The following NRG1 variants were observed in gnomAD, a reference collection of about 807,000 sequenced individuals.
The protein encoded by NRG1 is neuregulin 1.
NRG1 carries 18 observed loss-of-function variants against 63.8 expected under a neutral mutation model. The observed-to-expected ratio is 0.28, with a 90% CI of 0.19 to 0.42. NRG1 has a LOEUF of 0.42. Among genes scored for constraint, NRG1 ranks in the 10% least tolerant of loss-of-function variants. NRG1 has a pLI of 1.00. For missense variants in NRG1, 762 were observed against 814.7 expected (o/e 0.94, Z 0.79); for synonymous variants, 302 against 301.3 (o/e 1.00, Z -0.02).
At chr8:32,662,195 T>C (rs562723963) in intron 5 of NRG1, among the ~76,000 whole-genome samples, 9 of 152,302 alleles carry the variant, frequency 5.9e-5, no homozygotes, top group African/African-American at 2.2e-4. Context: ...ATAAACAGAA[T>C]GGTCAGGAAA....
chr8:31,906,748 G>C (rs1832550159), intron 1 of NRG1, among the ~76,000 whole-genome samples: 1 of 152,004 alleles, frequency 6.6e-6, no homozygotes, highest in Admixed American at 6.6e-5. Flanking sequence ...AGAATATTCT[G>C]TTCTCTGTGG....
intron 1 of NRG1, among the ~76,000 whole-genome samples, chr8:31,719,843 T>A (rs74630390): frequency 2.1e-5 from 2 of 94,648 alleles, no homozygotes; most frequent in African/African-American, 7.0e-5. Flanking sequence ...GGATTATGAT[T>A]TTTTTTTTTA....
Position 31,814,062 on chromosome 8 carries a change from C to T in NRG1, c.37+174631C>T, listed in dbSNP as rs371963465. 1.6e-4 allele frequency among the ~76,000 whole-genome samples: 24 copies of T among 152,128 alleles called. 1 individual carries two copies. The East Asian group carries it at 3.1e-3, about 20-fold the overall frequency. ...GTTTTCAGCACCTGATCTTTATTGC[C>T]TCACAGAGTTTTATACAGATACAAA... On this transcript the variant is annotated intron_variant, in intron 1 of 10. Transcript: ENST00000519301.
chr8:32,622,167 G>A (rs1563788195), intron 5 of NRG1, among the ~76,000 whole-genome samples: 1 of 152,136 alleles, frequency 6.6e-6, no homozygotes, highest in Non-Finnish European at 1.5e-5. Context: ...ACTTTGGGAG[G>A]CCATAGTGGG....
At position 32,327,763 on chromosome 8, in the gene NRG1, T is replaced by A. The variant is rs1802181143; in HGVS notation, c.38-268065T>A. ...GGAGACCTTTATAACAATTAAAACA[T>A]AGGAATGGGGCAGGAAGCCTTATTA... On this transcript the variant is annotated intron_variant, in intron 1 of 10. Transcript: ENST00000519301. Among the ~76,000 whole-genome samples the A allele has an allele frequency of 2.0e-5, 3 of 152,172 alleles. No homozygotes were observed. In the South Asian group the frequency reaches 6.2e-4, roughly 32 times the overall value.
chr8:32,199,535 T>A (rs1360001111), intron 1 of NRG1, among the ~76,000 whole-genome samples: 1 of 152,196 alleles, frequency 6.6e-6, no homozygotes, highest in East Asian at 1.9e-4. Flanking sequence ...AACTCTTAGA[T>A]CTTACTTGTC....
chr8:32,104,258 T>C lies in NRG1; in HGVS notation c.37+464827T>C, dbSNP rs559904051. Among the ~76,000 whole-genome samples, 43 of 152,320 alleles carry C rather than the reference T, an allele frequency of 2.8e-4. 1 individual carries two copies. Among genetic ancestry groups the C allele is most frequent in the Non-Finnish European group, 5.3e-4 (36 of 68,030 alleles). ...GTAGGCAATTGTTAATACAGTGGTA[T>C]TTGTTTATCTAAACTATCAAAACCT... On this transcript the variant is annotated intron_variant, in intron 1 of 10. Transcript: ENST00000519301.
intron 1 of NRG1, among the ~76,000 whole-genome samples, chr8:31,849,173 C>T (rs892567139): frequency 1.3e-5 from 2 of 152,134 alleles, no homozygotes; most frequent in African/African-American, 4.8e-5. Flanking sequence ...TGCATTATAT[C>T]ATTCATCCAA....
At chr8:32,388,392 T>C (rs1037924919) in intron 1 of NRG1, among the ~76,000 whole-genome samples, 1 of 152,234 alleles carries the variant, frequency 6.6e-6, no homozygotes, top group African/African-American at 2.4e-5. Flanking sequence ...CGTAGGGGTT[T>C]TCCCACATCT....
chr8:32,360,679 T>A (rs1807089945), intron 1 of NRG1, among the ~76,000 whole-genome samples: 1 of 152,186 alleles, frequency 6.6e-6, no homozygotes. Flanking sequence ...GAATTGTGTT[T>A]AACTCATGCC....
chr8:31,821,961 A>G (rs1180121091), intron 1 of NRG1, among the ~76,000 whole-genome samples: 1 of 152,180 alleles, frequency 6.6e-6, no homozygotes, highest in Non-Finnish European at 1.5e-5. Context: ...ATTACTGTAA[A>G]CTACTTTTTC....
intron 1 of NRG1, among the ~76,000 whole-genome samples, chr8:32,060,909 T>G (rs929134399): frequency 6.6e-6 from 1 of 151,854 alleles, no homozygotes; most frequent in African/African-American, 2.4e-5. Flanking sequence ...TCAAAAAGTG[T>G]GCTAAGATTA....
At chr8:32,548,373 G>C in exon 1 of NRG1, 2 of 1,033,122 alleles carry the variant, frequency 1.9e-6, no homozygotes, top group Non-Finnish European at 2.3e-6. Flanking sequence ...GCTGCCGGAC[G>C]ATGGGAGCGT....
rs1028793942 is a variant in NRG1, at chr8:32,709,267, A to G, written c.503-18682A>G. ...TTATATGTAATTGTAGGTAAAAACT[A>G]TATAATATTTTTGCCATGTGCCTCA... is the stretch of plus-strand genomic sequence containing the variant. On this transcript the variant is annotated intron_variant, in intron 5 of 11. Coordinates refer to ENST00000356819, the Ensembl canonical transcript of NRG1. Among the ~76,000 whole-genome samples, 7 of 152,196 alleles carry G rather than the reference A, an allele frequency of 4.6e-5. No individual in the cohort carries two copies. The East Asian group carries it at 1.2e-3, about 25-fold the overall frequency.
At chr8:31,938,515 A>C (rs1427172770) in intron 1 of NRG1, among the ~76,000 whole-genome samples, 3 of 152,250 alleles carry the variant, frequency 2.0e-5, no homozygotes, top group African/African-American at 7.2e-5. Context: ...AACACCCCCC[A>C]AAAATCATAC....
intron 1 of NRG1, among the ~76,000 whole-genome samples, chr8:32,325,299 G>A (rs963775975): frequency 8.5e-5 from 13 of 152,128 alleles, no homozygotes; most frequent in Admixed American, 5.9e-4. Context: ...AGCTGTTACG[G>A]GGTGGGGCAC....
At chr8:31,944,733 T>G (rs1210103940) in intron 1 of NRG1, among the ~76,000 whole-genome samples, 1 of 152,214 alleles carries the variant, frequency 6.6e-6, no homozygotes, top group African/African-American at 2.4e-5. Context: ...ACTGAGTGAT[T>G]AATGAACTGA....
chr8:31,639,636 G>T, intron 1 of NRG1: 1 of 1,413,058 alleles, frequency 7.1e-7, no homozygotes, highest in South Asian at 1.5e-5. Flanking sequence ...CTCCTCCGGT[G>T]ACAGCAGCCC....
In NRG1 at chr8:32,157,515, C is replaced by T. The variant is rs138517863; in HGVS notation, c.38-438313C>T. Among the ~76,000 whole-genome samples, 1,400 of 151,142 alleles carry T rather than the reference C, an allele frequency of 9.3e-3. 18 individuals are homozygous for T. The highest frequency in any genetic ancestry group is 0.033 in the African/African-American group (1,339 of 41,198). On this transcript the variant is annotated intron_variant, in intron 1 of 10. Coordinates refer to the NRG1 transcript ENST00000519301. ...TCTCTACTAAAAATACAAAATTAGC[C>T]GGGCGTGGTGGTACATGCCTGTAAT...
Sources: allele counts gnomAD v4.1 joint callset (sites outside exome capture counted in the v4.1 genomes callset), GRCh38; gene constraint gnomAD v4.1.1; transcripts MANE v1.5; gene names NCBI Gene and HGNC (gene_info 2026-07-23, HGNC 2026-07-21).